Variants in ARHGAP42 observed in about 807,000 individuals in gnomAD.
ARHGAP42 encodes the protein rho GTPase-activating protein 42.
In ARHGAP42, 63 loss-of-function variants were observed where a neutral mutation model predicts 125.0. The ratio of observed to expected loss-of-function variants is 0.50; its 90% confidence interval spans 0.41 to 0.62. The LOEUF is 0.62. ARHGAP42 is among the 20% of genes least tolerant of loss of function. ARHGAP42 has a pLI of 0.00. For synonymous variants in ARHGAP42, 339 were observed against 351.0 expected (o/e 0.97, Z 0.38); for missense variants, 766 against 1,024.2 (o/e 0.75, Z 3.44).
intron 4 of ARHGAP42, among the ~76,000 whole-genome samples, chr11:100,893,158 GGTGTGT>G (rs142725608): frequency 1.2e-4 from 17 of 147,086 alleles, no homozygotes; most frequent in South Asian, 8.8e-4. Context: ...AACATTTAGG[GGTGTGT>G]GTGTGTGTGT....
At chr11:100,697,817 T>G (rs1479916745) in intron 1 of ARHGAP42, among the ~76,000 whole-genome samples, 2 of 152,218 alleles carry the variant, frequency 1.3e-5, no homozygotes, top group African/African-American at 4.8e-5. Context: ...TTCATTTATT[T>G]AATTTCCTTA....
intron 4 of ARHGAP42, among the ~76,000 whole-genome samples, chr11:100,878,203 A>T (rs1865870394): frequency 6.6e-6 from 1 of 151,592 alleles, no homozygotes; most frequent in African/African-American, 2.4e-5. Context: ...ATCTCAGCTC[A>T]CCGCAACCTC....
intron 1 of ARHGAP42, among the ~76,000 whole-genome samples, chr11:100,706,089 C>G (rs977616681): frequency 2.0e-5 from 3 of 151,076 alleles, no homozygotes; most frequent in Non-Finnish European, 4.4e-5. Flanking sequence ...AGGCAATTCT[C>G]CTGCCTCAGC....
chr11:100,762,832 G>T (rs1199998947), intron 1 of ARHGAP42, among the ~76,000 whole-genome samples: 3 of 152,068 alleles, frequency 2.0e-5, no homozygotes, highest in Non-Finnish European at 4.4e-5. Flanking sequence ...AGGCGTAGTT[G>T]ATGTTTCCTT....
chr11:100,741,518 G>A (rs1241375956), intron 1 of ARHGAP42, among the ~76,000 whole-genome samples: 1 of 152,168 alleles, frequency 6.6e-6, no homozygotes, highest in Non-Finnish European at 1.5e-5. Flanking sequence ...CACATTCCCT[G>A]CCTTGCCTCT....
chr11:100,721,486 TTTTG>T (rs1352522140), intron 1 of ARHGAP42, among the ~76,000 whole-genome samples: 6 of 151,808 alleles, frequency 4.0e-5, no homozygotes, highest in Admixed American at 3.3e-4. Flanking sequence ...TTTCTTTTTT[TTTTG>T]GAGGCGGAGT....
intron 2 of ARHGAP42, among the ~76,000 whole-genome samples, chr11:100,770,867 C>T (rs1039339245): frequency 2.5e-4 from 38 of 152,374 alleles, no homozygotes; most frequent in African/African-American, 8.4e-4. Context: ...GCGTGAGCCA[C>T]TGCGCTTGGC....
In ARHGAP42 at chr11:100,687,735, G is replaced by T; in HGVS notation, c.57G>T (p.Arg19Ser). 1 of 1,550,236 alleles carries T rather than the reference G, an allele frequency of 6.5e-7. No individual in the cohort carries two copies. The highest frequency in any genetic ancestry group is 8.7e-7 in the Non-Finnish European group (1 of 1,146,680). The change falls in exon 1 of 24, where the codon AGG becomes AGT. Residue 19 changes from arginine (R) to serine (S), a missense_variant. Coordinates refer to ENST00000298815, the MANE Select transcript of ARHGAP42 (RefSeq NM_152432.4). ...CCTACTTGGACAGCCCAGATTTCAGGGAGCGCTTGCAGTGTCACGAGATTG... is the reference window on the plus strand; with the variant it reads ...CCTACTTGGACAGCCCAGATTTCAGTGAGCGCTTGCAGTGTCACGAGATTG... ...SDSYLDSPDF[R>S]ERLQCHEIEL...
rs1016964467 is a variant in ARHGAP42 at position 100,950,801 on chromosome 11, C to T, written c.1162+845C>T. ...AAGCAATTCCAAGTTTTATGTAATG[C>T]AATGGATTTTGTCTTATGGCTTCTA... On this transcript the variant is annotated intron_variant, in intron 12 of 23. Coordinates refer to ENST00000298815, the MANE Select transcript of ARHGAP42 (RefSeq NM_152432.4). Among the ~76,000 whole-genome samples, 3 of 152,098 alleles carry T rather than the reference C, an allele frequency of 2.0e-5. No homozygotes were observed. The East Asian group carries it at 5.8e-4, about 29-fold the overall frequency.
At chr11:100,867,545 C>T (rs1377819895) in intron 4 of ARHGAP42, among the ~76,000 whole-genome samples, 1 of 152,202 alleles carries the variant, frequency 6.6e-6, no homozygotes, top group Non-Finnish European at 1.5e-5. Flanking sequence ...GGAATTGAAG[C>T]GAGTTAGGAC....
At chr11:100,940,576 G>C (rs1279746193) in intron 8 of ARHGAP42, among the ~76,000 whole-genome samples, 1 of 152,094 alleles carries the variant, frequency 6.6e-6, no homozygotes, top group Non-Finnish European at 1.5e-5. Context: ...CTATGGGAAA[G>C]GGTTACATGG....
At chr11:100,856,154 G>T (rs1332118735) in intron 3 of ARHGAP42, among the ~76,000 whole-genome samples, 1 of 151,922 alleles carries the variant, frequency 6.6e-6, no homozygotes, top group Non-Finnish European at 1.5e-5. Flanking sequence ...TTGTGAATCC[G>T]GATGAAAGAG....
At chr11:100,930,337 A>G (rs1565281080) in intron 6 of ARHGAP42, among the ~76,000 whole-genome samples, 1 of 152,214 alleles carries the variant, frequency 6.6e-6, no homozygotes, top group Non-Finnish European at 1.5e-5. Flanking sequence ...GAACAAGTAT[A>G]TGTTCAAACC....
chr11:100,992,472 T>TA lies in ARHGAP42; in HGVS notation c.*3672dup. On this transcript the variant is annotated 3_prime_UTR_variant, in exon 24 of 24. Transcript: ENST00000298815. ...AACTTTGCCTCCTACCCTTTTTTGT[T>TA]ACCTTCCAAAATCAAGACACTTTTA... The TA allele has an allele frequency of 6.2e-7, 1 of 1,614,154 alleles. No homozygotes were observed. Among genetic ancestry groups the TA allele is most frequent in the Non-Finnish European group, 8.5e-7 (1 of 1,179,978 alleles).
intron 3 of ARHGAP42, among the ~76,000 whole-genome samples, chr11:100,829,510 G>A (rs1378848594): frequency 6.6e-6 from 1 of 152,148 alleles, no homozygotes; most frequent in South Asian, 2.1e-4. Context: ...GGCATGCAAA[G>A]AATCTTCTTA....
At chr11:100,809,228 C>T (rs1477133334) in intron 3 of ARHGAP42, among the ~76,000 whole-genome samples, 1 of 151,928 alleles carries the variant, frequency 6.6e-6, no homozygotes, top group African/African-American at 2.4e-5. Flanking sequence ...TCTAGTTTTT[C>T]ATTTTAAGAC....
intron 4 of ARHGAP42, among the ~76,000 whole-genome samples, chr11:100,901,764 T>C (rs1004357503): frequency 4.6e-5 from 7 of 152,232 alleles, no homozygotes; most frequent in Non-Finnish European, 7.3e-5. Context: ...GCTAAGACCT[T>C]GGGAAAAACA....
At chr11:100,718,786 A>G (rs1861709132) in intron 1 of ARHGAP42, among the ~76,000 whole-genome samples, 1 of 152,228 alleles carries the variant, frequency 6.6e-6, no homozygotes, top group African/African-American at 2.4e-5. Flanking sequence ...ACAGATTACT[A>G]AAAAAGTGAA....
chr11:100,827,053 G>C (rs1237748014), intron 3 of ARHGAP42, among the ~76,000 whole-genome samples: 4 of 123,568 alleles, frequency 3.2e-5, no homozygotes, highest in Non-Finnish European at 6.3e-5. Flanking sequence ...GCCCAGGCTA[G>C]ACTGCAGTGG....
Sources: allele counts gnomAD v4.1 joint callset (sites outside exome capture counted in the v4.1 genomes callset), GRCh38; gene constraint gnomAD v4.1.1; transcripts MANE v1.5; gene names NCBI Gene and HGNC (gene_info 2026-07-23, HGNC 2026-07-21).